Variants in PPP1R9A observed in about 807,000 individuals in gnomAD.
PPP1R9A encodes the protein neurabin-1.
PPP1R9A carries 59 observed loss-of-function variants against 141.9 expected under a neutral mutation model. The observed-to-expected ratio is 0.42, with a 90% CI of 0.34 to 0.52. The LOEUF (loss-of-function observed/expected upper bound fraction) is 0.52, where lower values mean the gene tolerates loss of function less well. Ranked by LOEUF, PPP1R9A falls within the 20% of genes least tolerant of loss-of-function variation. The probability of loss-of-function intolerance (pLI) is 0.10; values close to 1 mark genes in which losing one functional copy is unlikely to be tolerated. For missense variants in PPP1R9A, 1,444 were observed against 1,611.9 expected, an observed-to-expected ratio of 0.90 and a Z score of 1.78; for synonymous variants, 500 against 569.7, an observed-to-expected ratio of 0.88 and a Z score of 1.74.
chr7:95,088,411 A>G (rs1242446052), intron 2 of PPP1R9A, among the ~76,000 whole-genome samples: 1 of 151,814 alleles, frequency 6.6e-6, no homozygotes, highest in Admixed American at 6.6e-5. Flanking sequence ...GCTTTCTAAC[A>G]TTGAATTTGG....
At chr7:95,121,441 T>TTGTCTGTCTGTC (rs71125102) in intron 4 of PPP1R9A, among the ~76,000 whole-genome samples, 5 of 147,172 alleles carry the variant, frequency 3.4e-5, no homozygotes, top group African/African-American at 1.3e-4. Flanking sequence ...CTCAAGCTAT[T>TTGTCTGTCTGTC]TGTCTGTCTG....
At chr7:94,929,277 C>A (rs1030227879) in intron 2 of PPP1R9A, among the ~76,000 whole-genome samples, 3 of 152,132 alleles carry the variant, frequency 2.0e-5, no homozygotes, top group Non-Finnish European at 4.4e-5. Context: ...GAGAGACGGA[C>A]ACGTAAGTCA....
Position 95,250,047 on chromosome 7 carries a change from A to G in PPP1R9A, c.2188A>G (p.Lys730Glu). ...KTKLQAAENE[K>E]VRWELEKTQL... ...CCAGCTGCAGGCAGCAGAAAATGAGAAAGTGAGGTGGGAACTAGAAAAAAC... is the reference window on the plus strand; with the variant it reads ...CCAGCTGCAGGCAGCAGAAAATGAGGAAGTGAGGTGGGAACTAGAAAAAAC... Residue 730 changes from lysine to glutamate, a missense_variant, in exon 10 of 20, where the codon AAA becomes GAA. Coordinates refer to ENST00000433360, the MANE Select transcript of PPP1R9A (RefSeq NM_001166160.2). 1 of 1,606,422 alleles carries G rather than the reference A, an allele frequency of 6.2e-7. No homozygotes were observed. Among genetic ancestry groups the G allele is most frequent in the Non-Finnish European group, 8.5e-7 (1 of 1,177,528 alleles).
intron 7 of PPP1R9A, among the ~76,000 whole-genome samples, chr7:95,219,678 A>G (rs1794108404): frequency 6.6e-6 from 1 of 152,158 alleles, no homozygotes; most frequent in Non-Finnish European, 1.5e-5. Context: ...GAAAAAAATA[A>G]ATATATATGC....
intron 2 of PPP1R9A, among the ~76,000 whole-genome samples, chr7:94,980,596 C>A (rs911370282): frequency 6.8e-6 from 1 of 147,134 alleles, no homozygotes; most frequent in African/African-American, 2.5e-5. Context: ...CTACCATGCC[C>A]AGTTTAGTGT....
At chr7:94,988,034 A>T (rs969047809) in intron 2 of PPP1R9A, among the ~76,000 whole-genome samples, 3 of 152,266 alleles carry the variant, frequency 2.0e-5, no homozygotes, top group East Asian at 1.9e-4. Context: ...CACAGTAAAT[A>T]CTTGGAATTG....
chr7:95,148,318 G>A (rs1267722131), intron 4 of PPP1R9A, among the ~76,000 whole-genome samples: 2 of 151,758 alleles, frequency 1.3e-5, no homozygotes, highest in Non-Finnish European at 1.5e-5. Context: ...ACCAGGCTAA[G>A]AAAAAAAGAG....
intron 6 of PPP1R9A, among the ~76,000 whole-genome samples, chr7:95,201,806 G>C (rs1283193760): frequency 6.6e-6 from 1 of 152,066 alleles, no homozygotes; most frequent in African/African-American, 2.4e-5. Flanking sequence ...TTCAAAGTTA[G>C]AGTTATTTTT....
At chr7:95,161,789 C>A (rs2152712125) in intron 4 of PPP1R9A, 78 bp from the exon 5 acceptor site, 1 of 921,438 alleles carries the variant, frequency 1.1e-6, no homozygotes, top group East Asian at 2.8e-5. Flanking sequence ...ATTTTGTCAA[C>A]TGATTTGTTG....
At chr7:95,070,956 A>T (rs1217278062) in intron 2 of PPP1R9A, among the ~76,000 whole-genome samples, 1 of 148,472 alleles carries the variant, frequency 6.7e-6, no homozygotes. Context: ...TTAATTGGCT[A>T]AAAAAATTGA....
At chr7:95,128,569 G>T (rs949315102) in intron 4 of PPP1R9A, among the ~76,000 whole-genome samples, 1 of 148,218 alleles carries the variant, frequency 6.7e-6, no homozygotes, top group Non-Finnish European at 1.5e-5. Flanking sequence ...TTTTCTGTTC[G>T]TTTGTTTGTT....
chr7:95,026,426 T>G (rs1278898655), intron 2 of PPP1R9A, among the ~76,000 whole-genome samples: 1 of 152,212 alleles, frequency 6.6e-6, no homozygotes, highest in African/African-American at 2.4e-5. Flanking sequence ...CAGCAAAGAT[T>G]GCTGCCTGTT....
chr7:95,102,664 G>T (rs1818942089), intron 2 of PPP1R9A, among the ~76,000 whole-genome samples: 1 of 152,138 alleles, frequency 6.6e-6, no homozygotes, highest in Admixed American at 6.5e-5. Context: ...AGGAGTTTAA[G>T]TATGGAAATA....
At chr7:95,072,957 A>G (rs1402177336) in intron 2 of PPP1R9A, among the ~76,000 whole-genome samples, 2 of 130,138 alleles carry the variant, frequency 1.5e-5, no homozygotes, top group East Asian at 4.1e-4. Flanking sequence ...ATATATTATA[A>G]TATGTTATAT....
chr7:95,102,250 C>T (rs1818889325), intron 2 of PPP1R9A, among the ~76,000 whole-genome samples: 1 of 152,074 alleles, frequency 6.6e-6, no homozygotes, highest in Non-Finnish European at 1.5e-5. Flanking sequence ...CTGAAATGCT[C>T]TATAGGATTG....
intron 2 of PPP1R9A, among the ~76,000 whole-genome samples, chr7:95,109,158 A>G (rs1584732855): frequency 6.6e-6 from 1 of 152,326 alleles, no homozygotes; most frequent in South Asian, 2.1e-4. Flanking sequence ...ATTTTGGTCT[A>G]GGGTCTTATA....
Position 95,284,012 on chromosome 7 carries a change from A to C in PPP1R9A, c.3297-6A>C. 6.3e-7 allele frequency: 1 copy of C among 1,582,776 alleles called. No homozygotes were observed. The highest frequency in any genetic ancestry group is 8.6e-7 in the Non-Finnish European group (1 of 1,168,946). ...ATCTAACACACCCATTCTTTTCACA[A>C]AACAGGATCTTCAGAGGCAGACTGG... On this transcript the variant is annotated splice_polypyrimidine_tract_variant and splice_region_variant and intron_variant, in intron 16 of 19. Transcript: ENST00000433360.
intron 2 of PPP1R9A, among the ~76,000 whole-genome samples, chr7:94,978,779 C>T (rs1799760686): frequency 6.6e-6 from 1 of 152,154 alleles, no homozygotes; most frequent in Non-Finnish European, 1.5e-5. Context: ...AGTAGTGCTT[C>T]TTCTTAAAAC....
intron 9 of PPP1R9A, 113 bp from the exon 10 acceptor site, chr7:95,249,913 A>T (rs12690919): frequency 0.58 from 789,565 of 1,361,008 alleles, 232,010 homozygotes; most frequent in African/African-American, 0.8. Context: ...TCTCAAGTGG[A>T]TTCAGTGATT....
Sources: gnomAD v4.1 joint callset for allele counts (sites outside exome capture counted in the v4.1 genomes callset) on GRCh38, gnomAD v4.1.1 for gene constraint, MANE v1.5 for transcripts, NCBI Gene and HGNC (gene_info 2026-07-23, HGNC 2026-07-21) for gene names.